Variants in SDAD1 observed in about 807,000 individuals in gnomAD.
SDAD1 encodes the protein protein SDA1 homolog.
Under a neutral mutation model 100.3 loss-of-function variants are expected in SDAD1, and 79 were observed. That is an observed-to-expected ratio of 0.79 (90% CI 0.66 to 0.95). SDAD1 has a LOEUF of 0.95. SDAD1 is among the 40% of genes least tolerant of loss of function. The pLI is 0.00. For missense variants in SDAD1, 790 were observed against 810.9 expected, an observed-to-expected ratio of 0.97 and a Z score of 0.31; for synonymous variants, 267 against 271.4, an observed-to-expected ratio of 0.98 and a Z score of 0.16.
intron 18 of SDAD1, 61 bp downstream of exon 18, chr4:75,957,786 G>A (rs1728988897): frequency 6.2e-7 from 1 of 1,611,056 alleles, no homozygotes; most frequent in African/African-American, 1.3e-5. Flanking sequence ...CTCCCAACAA[G>A]GCCCAGAATA....
chr4:75,960,890 T>G, intron 16 of SDAD1, 138 bp downstream of exon 16: 1 of 728,928 alleles, frequency 1.4e-6, no homozygotes, highest in Non-Finnish European at 2.4e-6. Flanking sequence ...GATTCCAAGC[T>G]TAAAGAATAC....
chr4:75,979,542 G>A (rs1202563212), intron 3 of SDAD1, among the ~76,000 whole-genome samples: 4 of 150,952 alleles, frequency 2.6e-5, no homozygotes, highest in African/African-American at 4.9e-5. Context: ...TGCAACCTCC[G>A]CCTCCCAGGT....
intron 4 of SDAD1, among the ~76,000 whole-genome samples, chr4:75,977,324 G>A (rs1048805108): frequency 4.6e-5 from 7 of 152,176 alleles, no homozygotes; most frequent in African/African-American, 1.7e-4. Flanking sequence ...CCACTAAGAA[G>A]CAGTGTGAGA....
In SDAD1 at chr4:75,977,672, G is replaced by T; in HGVS notation, c.379C>A (p.Arg127Ser). 6.2e-7 allele frequency: 1 copy of T among 1,611,432 alleles called. No homozygotes were observed. The change falls in exon 4 of 22, where the codon CGT becomes AGT. Residue 127 changes from arginine to serine, a missense_variant. Arg to Ser is a moderately radical substitution (Grantham distance 110). Coordinates refer to ENST00000356260, the MANE Select transcript of SDAD1 (RefSeq NM_018115.4). ...TTTCGCAGAAGTTTATCATGGCAACGAAAAAGTTCAAAGAAGAGTTCTAGC... is the reference window on the plus strand; with the variant it reads ...TTTCGCAGAAGTTTATCATGGCAACTAAAAAGTTCAAAGAAGAGTTCTAGC... ...SLLELFFELF[R>S]CHDKLLRKTL... is the part of the protein sequence containing the mutation.
At chr4:75,984,770 C>T (rs1386045256) in intron 1 of SDAD1, among the ~76,000 whole-genome samples, 3 of 131,544 alleles carry the variant, frequency 2.3e-5, no homozygotes, top group Non-Finnish European at 4.7e-5. Flanking sequence ...CATACACACA[C>T]ACACACAAAC....
chr4:75,986,013 A>G (rs914530105), intron 1 of SDAD1, among the ~76,000 whole-genome samples: 18 of 152,114 alleles, frequency 1.2e-4, no homozygotes, highest in East Asian at 1.9e-4. Flanking sequence ...TTATCATTAT[A>G]CCCATTTGGT....
chr4:75,984,028 G>A (rs1246141883), intron 1 of SDAD1, among the ~76,000 whole-genome samples: 2 of 151,948 alleles, frequency 1.3e-5, no homozygotes, highest in Non-Finnish European at 1.5e-5. Flanking sequence ...TTCCCAACAC[G>A]TTTTATTAAA....
Position 75,990,819 on chromosome 4 carries a change from T to C in SDAD1, c.23A>G (p.Lys8Arg), listed in dbSNP as rs533698536. 6.2e-5 allele frequency: 100 copies of C among 1,613,892 alleles called. 1 individual carries two copies. In the South Asian group the frequency reaches 9.9e-4, roughly 16 times the overall value. MSNRNNNKLPSNLPQLQN... is the reference protein window; with the variant it reads MSNRNNNRLPSNLPQLQN... ...TAACTGCGGCAGGTTGCTGGGAAGC[T>C]TGTTGTTGTTTCTGTTGGACATTTT... Residue 8 changes from lysine to arginine, a missense_variant, in exon 1 of 22, where the codon AAG becomes AGG. By Grantham distance (26) the Lys-to-Arg change is conservative. Transcript: ENST00000356260.
intron 9 of SDAD1, 33 bp downstream of exon 9, chr4:75,971,324 A>G (rs760212691): frequency 1.4e-6 from 2 of 1,400,372 alleles, no homozygotes; most frequent in Non-Finnish European, 2.0e-6. Context: ...CACTCTAATC[A>G]CTCCTATCTC....
In SDAD1 at chr4:75,957,694, G is replaced by T. The variant is rs1474568403; in HGVS notation, c.1593C>A (p.Asn531Lys). The change falls in exon 19 of 22, where the codon AAC (asparagine) becomes AAA (lysine). Residue 531 changes from asparagine to lysine, a missense_variant. Asn to Lys is a moderately conservative substitution (Grantham distance 94). Coordinates refer to ENST00000356260, the MANE Select transcript of SDAD1 (RefSeq NM_018115.4). ...CCTTCCGCTCCTCCATGGGCATGCT[G>T]TTCAGCTTCTTGGACTTGAAACCAC... ...EEQQEISKKL[N>K]SMPMEERKAK... 1 of 1,614,058 alleles carries T rather than the reference G, an allele frequency of 6.2e-7. No homozygotes were observed. The highest frequency in any genetic ancestry group is 1.3e-5 in the African/African-American group (1 of 74,934).
chr4:75,979,748 C>A (rs9990667), intron 3 of SDAD1, among the ~76,000 whole-genome samples: 2 of 152,012 alleles, frequency 1.3e-5, no homozygotes. Context: ...AGCCACCGCG[C>A]CTGGCGGAAA....
At chr4:75,954,529 C>T (rs1166791886) in intron 21 of SDAD1, among the ~76,000 whole-genome samples, 2 of 151,930 alleles carry the variant, frequency 1.3e-5, no homozygotes, top group Admixed American at 6.6e-5. Flanking sequence ...AAAAATTAGC[C>T]GGGTGTGGTG....
intron 21 of SDAD1, among the ~76,000 whole-genome samples, chr4:75,955,322 A>G (rs773546673): frequency 3.3e-5 from 5 of 152,166 alleles, no homozygotes; most frequent in Non-Finnish European, 7.3e-5. Flanking sequence ...CATTGGCAGC[A>G]TCGCAGGACC....
chr4:75,975,570 G>A (rs1383020714), intron 6 of SDAD1, among the ~76,000 whole-genome samples, 174 bp downstream of exon 6: 3 of 152,176 alleles, frequency 2.0e-5, no homozygotes, highest in Non-Finnish European at 4.4e-5. Flanking sequence ...CTCAAGAAAT[G>A]ATAACCAATG....
At chr4:75,984,093 G>T (rs1417444119) in intron 1 of SDAD1, among the ~76,000 whole-genome samples, 1 of 151,690 alleles carries the variant, frequency 6.6e-6, no homozygotes, top group Admixed American at 6.6e-5. Flanking sequence ...AGATCAGGTG[G>T]TTGTAGATGT....
At chr4:75,955,884 A>C (rs1367682497) in intron 21 of SDAD1, 91 bp downstream of exon 21, 2 of 1,385,026 alleles carry the variant, frequency 1.4e-6, no homozygotes, top group Admixed American at 2.3e-5. Context: ...AATAATGCCC[A>C]GTCTTCAGAA....
At chr4:75,957,254 TA>T (rs1728948925) in intron 20 of SDAD1, 70 bp downstream of exon 20, 7 of 1,314,104 alleles carry the variant, frequency 5.3e-6, no homozygotes, top group Admixed American at 2.0e-5. Flanking sequence ...TCTGTGGCTA[TA>T]CAAGTTCTGG....
intron 1 of SDAD1, among the ~76,000 whole-genome samples, chr4:75,984,188 G>A (rs943946288): frequency 4.0e-5 from 6 of 150,824 alleles, no homozygotes; most frequent in African/African-American, 1.5e-4. Flanking sequence ...AAAAGACTAG[G>A]TCTCCCTCTG....
intron 8 of SDAD1, among the ~76,000 whole-genome samples, chr4:75,972,582 C>T (rs1488075507): frequency 1.3e-5 from 2 of 150,658 alleles, no homozygotes; most frequent in East Asian, 3.9e-4. Context: ...TAGTCATATA[C>T]TGTTTAAAAG....
Sources: allele counts gnomAD v4.1 joint callset (sites outside exome capture counted in the v4.1 genomes callset), GRCh38; gene constraint gnomAD v4.1.1; transcripts MANE v1.5; gene names NCBI Gene and HGNC (gene_info 2026-07-23, HGNC 2026-07-21).